Variants in KIAA0319L observed in about 807,000 individuals in gnomAD.
The protein encoded by KIAA0319L is KIAA0319 like, also known as dyslexia-associated protein KIAA0319-like protein.
In KIAA0319L, 55 loss-of-function variants were observed where a neutral mutation model predicts 120.1. The ratio of observed to expected loss-of-function variants is 0.46; its 90% CI spans 0.37 to 0.57. The LOEUF is 0.57. Among genes scored for constraint, KIAA0319L ranks in the 20% least tolerant of loss-of-function variants. The pLI is 0.00. For missense variants in KIAA0319L, 1,049 were observed against 1,255.3 expected, an observed-to-expected ratio of 0.84 and a Z score of 2.48; for synonymous variants, 398 against 471.9, an observed-to-expected ratio of 0.84 and a Z score of 2.03.
chr1:35,467,522 T>G (rs1168821791), intron 6 of KIAA0319L, among the ~76,000 whole-genome samples: 1 of 152,210 alleles, frequency 6.6e-6, no homozygotes, highest in Non-Finnish European at 1.5e-5. Flanking sequence ...CCAGTCATTG[T>G]CCTAGGCTTG....
At chr1:35,489,457 A>G (rs1644510602) in intron 3 of KIAA0319L, among the ~76,000 whole-genome samples, 1 of 152,090 alleles carries the variant, frequency 6.6e-6, no homozygotes, top group African/African-American at 2.4e-5. Flanking sequence ...ATGGCACAGG[A>G]AGAAGAAATC....
chr1:35,440,765 C>G, intron 20 of KIAA0319L: 1 of 437,838 alleles, frequency 2.3e-6, no homozygotes, highest in South Asian at 3.2e-5. Context: ...GTTGGAAAAG[C>G]GGAACTCCAG....
intron 2 of KIAA0319L, among the ~76,000 whole-genome samples, chr1:35,552,258 C>T (rs1208247871): frequency 6.6e-6 from 1 of 152,150 alleles, no homozygotes. Flanking sequence ...AGGAGAATCA[C>T]TTGAACCTGG....
At chr1:35,477,520 A>C (rs1643944572) in intron 4 of KIAA0319L, among the ~76,000 whole-genome samples, 1 of 152,044 alleles carries the variant, frequency 6.6e-6, no homozygotes, top group African/African-American at 2.4e-5. Flanking sequence ...ACAAAAAATT[A>C]GCTGGGCGTG....
intron 2 of KIAA0319L, among the ~76,000 whole-genome samples, chr1:35,540,648 G>C (rs538226655): frequency 6.6e-6 from 1 of 152,330 alleles, no homozygotes; most frequent in African/African-American, 2.4e-5. Flanking sequence ...TTGTGGACAG[G>C]AACTTCACTT....
intron 2 of KIAA0319L, among the ~76,000 whole-genome samples, chr1:35,534,858 C>CAAAAAAAAA (rs779838672): frequency 2.3e-5 from 1 of 42,636 alleles, no homozygotes. Context: ...GACTCCGTCT[C>CAAAAAAAAA]AAAAAAAAAA....
chr1:35,544,401 T>C (rs1646909833), intron 2 of KIAA0319L, among the ~76,000 whole-genome samples: 1 of 148,422 alleles, frequency 6.7e-6, no homozygotes, highest in Non-Finnish European at 1.5e-5. Context: ...TCCTCAAGAC[T>C]GGCCACTCCA....
At position 35,436,865 on chromosome 1, in the gene KIAA0319L, C is replaced by T. The variant is rs151273404; in HGVS notation, c.2963-1784G>A. 2.4e-3 allele frequency among the ~76,000 whole-genome samples: 370 copies of T among 152,278 alleles called. 2 individuals carry two copies. The highest frequency in any genetic ancestry group is 7.8e-3 in the African/African-American group (326 of 41,546). On this transcript the variant is annotated intron_variant, in intron 20 of 20. Transcript: ENST00000325722. ...GCACACACATCCTCTTTCCCCCCAA[C>T]GGACCCACTCAGTTTACCCTTCTTC... is the stretch of plus-strand genomic sequence containing the variant.
chr1:35,526,109 G>A (rs1412878556), intron 2 of KIAA0319L, among the ~76,000 whole-genome samples: 3 of 151,736 alleles, frequency 2.0e-5, no homozygotes, highest in Non-Finnish European at 4.4e-5. Flanking sequence ...TCCCCAATGT[G>A]TGTCCTTGGC....
chr1:35,487,718 A>G (rs926536958), intron 3 of KIAA0319L, among the ~76,000 whole-genome samples: 5 of 152,228 alleles, frequency 3.3e-5, no homozygotes, highest in East Asian at 1.9e-4. Context: ...AAGACTTCAT[A>G]TATCTGCCAC....
At chr1:35,524,517 T>A (rs1451276660) in intron 2 of KIAA0319L, among the ~76,000 whole-genome samples, 1 of 152,194 alleles carries the variant, frequency 6.6e-6, no homozygotes, top group Admixed American at 6.5e-5. Context: ...TGAGGAGTCA[T>A]ACAGAATGTC....
intron 4 of KIAA0319L, 41 bp downstream of exon 4, chr1:35,478,925 T>C (rs1644023594): frequency 1.2e-6 from 2 of 1,601,184 alleles, no homozygotes; most frequent in Middle Eastern, 1.7e-4. Flanking sequence ...TGATCAAATG[T>C]TCTACTTTTT....
At chr1:35,537,269 G>T (rs997577931) in intron 2 of KIAA0319L, among the ~76,000 whole-genome samples, 1 of 151,922 alleles carries the variant, frequency 6.6e-6, no homozygotes, top group Admixed American at 6.6e-5. Flanking sequence ...AGTTATTACC[G>T]GCTGATAAAT....
At chr1:35,460,692 G>A (rs2149106304) in intron 8 of KIAA0319L, among the ~76,000 whole-genome samples, 1 of 152,272 alleles carries the variant, frequency 6.6e-6, no homozygotes, top group South Asian at 2.1e-4. Flanking sequence ...ATGAAGAAAG[G>A]AAAAGCAATA....
At chr1:35,529,211 T>C (rs550988347) in intron 2 of KIAA0319L, among the ~76,000 whole-genome samples, 15 of 152,234 alleles carry the variant, frequency 9.9e-5, no homozygotes, top group Non-Finnish European at 2.1e-4. Flanking sequence ...GACCAGTCCA[T>C]ATCCTTTAAG....
At chr1:35,448,814 C>T (rs562721794) in intron 15 of KIAA0319L, among the ~76,000 whole-genome samples, 5 of 152,268 alleles carry the variant, frequency 3.3e-5, no homozygotes, top group East Asian at 1.9e-4. Context: ...GGAATGCATC[C>T]GTCCCTCCAG....
intron 2 of KIAA0319L, among the ~76,000 whole-genome samples, chr1:35,528,802 T>G (rs1259079196): frequency 6.6e-6 from 1 of 152,164 alleles, no homozygotes; most frequent in African/African-American, 2.4e-5. Flanking sequence ...GTATATATAT[T>G]TAGAATTGTT....
intron 9 of KIAA0319L, among the ~76,000 whole-genome samples, chr1:35,457,255 A>G (rs1642539431): frequency 6.6e-6 from 1 of 152,132 alleles, no homozygotes; most frequent in Non-Finnish European, 1.5e-5. Context: ...TCTTAAGAAG[A>G]GGTAATTCTT....
intron 2 of KIAA0319L, among the ~76,000 whole-genome samples, chr1:35,540,261 A>G (rs1025931236): frequency 6.6e-6 from 1 of 152,186 alleles, no homozygotes; most frequent in African/African-American, 2.4e-5. Context: ...AGGGACATTC[A>G]TAATTCTTTC....
Sources: gnomAD v4.1 joint callset for allele counts (sites outside exome capture counted in the v4.1 genomes callset) on GRCh38, gnomAD v4.1.1 for gene constraint, MANE v1.5 for transcripts, NCBI Gene and HGNC (gene_info 2026-07-23, HGNC 2026-07-21) for gene names.